NRG4: variants seen among roughly 807,000 people sequenced by gnomAD.
The protein encoded by NRG4 is pro-neuregulin-4, membrane-bound isoform.
A neutral mutation model predicts 15.0 loss-of-function variants in NRG4; 10 were observed. That is an observed-to-expected ratio of 0.67 (90% CI 0.41 to 1.13). The LOEUF (loss-of-function observed/expected upper bound fraction) is 1.13, where lower values mean the gene tolerates loss of function less well. Ranked by LOEUF, NRG4 falls within the 50% of genes most tolerant of loss-of-function variation. NRG4 has a pLI of 0.00. For missense variants in NRG4, 139 were observed against 140.2 expected (o/e 0.99, Z 0.04); for synonymous variants, 41 against 50.1 (o/e 0.82, Z 0.77).
chr15:75,940,193 C>A (rs2030796709), downstream of NRG4: 1 of 150,570 alleles, frequency 6.6e-6, no homozygotes, highest in Non-Finnish European at 1.5e-5. Context: ...TTCCTATACA[C>A]TAACAATGAA....
At position 75,974,437 on chromosome 15, in the gene NRG4, G is replaced by A. The variant is rs142023310; in HGVS notation, c.105-12463C>T. 1.2e-3 allele frequency among the ~76,000 whole-genome samples: 184 copies of A among 151,968 alleles called. 1 individual carries two copies. The highest frequency in any genetic ancestry group is 4.2e-3 in the African/African-American group (176 of 41,466). ...TGAATGTGTTTGTTCTTGCTTCCTC[G>A]TTCTTTTCATTGTGATGTTAGGGTG... is the stretch of plus-strand genomic sequence containing the variant. On this transcript the variant is annotated intron_variant, in intron 3 of 5. Transcript: ENST00000394907.
intron 3 of NRG4, among the ~76,000 whole-genome samples, chr15:75,982,175 C>T (rs74867626): frequency 0.018 from 2,664 of 152,060 alleles, 90 homozygotes; most frequent in African/African-American, 0.061. Context: ...ATTGTCGATC[C>T]CAAAACCTAA....
chr15:75,994,965 G>A (rs1273057355), intron 3 of NRG4, among the ~76,000 whole-genome samples: 1 of 152,108 alleles, frequency 6.6e-6, no homozygotes, highest in Non-Finnish European at 1.5e-5. Context: ...CTTGAGCCCA[G>A]TCTTGACAAC....
At chr15:75,958,070 T>C (rs1053469880) in intron 4 of NRG4, among the ~76,000 whole-genome samples, 2 of 152,160 alleles carry the variant, frequency 1.3e-5, no homozygotes, top group Non-Finnish European at 2.9e-5. Context: ...TGGAGTGCAG[T>C]GGTGCGATCT....
At chr15:75,952,382 A>C (rs2031956313) in intron 5 of NRG4, among the ~76,000 whole-genome samples, 1 of 152,164 alleles carries the variant, frequency 6.6e-6, no homozygotes, top group Non-Finnish European at 1.5e-5. Flanking sequence ...TTGTTTTCAA[A>C]GTCCATCCAT....
At chr15:75,998,832 A>G (rs2034303003) in intron 3 of NRG4, among the ~76,000 whole-genome samples, 1 of 152,212 alleles carries the variant, frequency 6.6e-6, no homozygotes, top group African/African-American at 2.4e-5. Flanking sequence ...ATCCTGGATA[A>G]GAAGATTCAG....
rs917470740 is a variant in NRG4 at position 76,051,565 on chromosome 15, C to CTT, written c.-105+500_-105+501dup. Among the ~76,000 whole-genome samples the CTT allele has an allele frequency of 4.3e-4, 58 of 133,484 alleles. 4 individuals carry two copies. The highest frequency in any genetic ancestry group is 1.5e-3 in the African/African-American group (53 of 35,270). The allele number at this position is 133,484 out of a possible 152,430, so 87.6% of individuals were successfully genotyped here. A position where few individuals can be genotyped will look rare whatever the true frequency, so the allele number is the denominator to read the frequency against. The stretch of plus-strand genomic sequence containing the variant: ...AGTTAACATATAATTGAACAATCTT[C>CTT]TTTTTTTTTTTTTTTTGAGACAGAG... On this transcript the variant is annotated intron_variant, in intron 4 of 8. Transcript: ENST00000563910.
At chr15:75,964,643 A>G (rs1206640899) in intron 3 of NRG4, among the ~76,000 whole-genome samples, 1 of 152,192 alleles carries the variant, frequency 6.6e-6, no homozygotes, top group African/African-American at 2.4e-5. Flanking sequence ...ATTGAAATTC[A>G]GGCCGGGCAC....
intron 3 of NRG4, among the ~76,000 whole-genome samples, chr15:75,991,635 T>TA (rs1305569822): frequency 1.3e-5 from 2 of 152,026 alleles, no homozygotes; most frequent in Admixed American, 1.3e-4. Context: ...TGAATTTTTT[T>TA]TTTTTTTGGT....
At chr15:75,937,823 C>CCTAA (rs2030528656), downstream of NRG4, 2 of 152,236 alleles carry the variant, frequency 1.3e-5, no homozygotes, top group East Asian at 3.9e-4. Context: ...GTTTGTTTTG[C>CCTAA]CTAACTGGTA....
rs768347789 is a variant in NRG4, at chr15:75,941,151, A to G, written c.*2487T>C. 8 of 152,204 alleles carry G rather than the reference A, an allele frequency of 5.3e-5. No individual in the cohort carries two copies. The highest frequency in any genetic ancestry group is 6.5e-5 in the Admixed American group (1 of 15,288). The allele number at this position is 152,204 out of a possible 1,614,324, so 9.4% of individuals were successfully genotyped here. The stretch of plus-strand genomic sequence containing the variant: ...ATTTGGATAGATCTCCAGAGAGGAC[A>G]TGCAGATAGCCAGTGAGCACAGGAA... On this transcript the variant is annotated 3_prime_UTR_variant, in exon 6 of 6. Transcript: ENST00000394907.
At chr15:76,032,074 T>G (rs1039496615) in intron 5 of NRG4, among the ~76,000 whole-genome samples, 2 of 152,172 alleles carry the variant, frequency 1.3e-5, no homozygotes, top group African/African-American at 4.8e-5. Context: ...TAATAATACA[T>G]TCTTAAAAAT....
At chr15:76,034,499 A>C (rs8031263) in intron 5 of NRG4, among the ~76,000 whole-genome samples, 5,636 of 152,230 alleles carry the variant, frequency 0.037, 182 homozygotes, top group African/African-American at 0.085. Context: ...AGGGGCTCCA[A>C]AGCTTTTGCA....
intron 4 of NRG4, among the ~76,000 whole-genome samples, chr15:76,040,368 A>C (rs1404792754): frequency 2.0e-5 from 3 of 152,222 alleles, no homozygotes; most frequent in Non-Finnish European, 4.4e-5. Flanking sequence ...ATTCTCCCAG[A>C]CAAGCAAAAG....
chr15:75,991,633 T>C (rs1367331701), intron 3 of NRG4, among the ~76,000 whole-genome samples: 1 of 152,048 alleles, frequency 6.6e-6, no homozygotes, highest in Non-Finnish European at 1.5e-5. Context: ...AGTGAATTTT[T>C]TTTTTTTTTG....
chr15:75,981,891 G>T lies in NRG4; in HGVS notation c.105-19917C>A, dbSNP rs535721009. 4.0e-5 allele frequency among the ~76,000 whole-genome samples: 6 copies of T among 151,898 alleles called. No homozygotes were observed. The South Asian group carries it at 1.2e-3, about 32-fold the overall frequency. ...TACCAATAAATTTGAAAACCTGGAT[G>T]AATTGGAAAATTTTGCTTAAAAATA... On this transcript the variant is annotated intron_variant, in intron 3 of 5. Coordinates refer to ENST00000394907, the MANE Select transcript of NRG4 (RefSeq NM_138573.4).
At chr15:75,949,984 A>C (rs2031778891) in intron 5 of NRG4, among the ~76,000 whole-genome samples, 1 of 152,134 alleles carries the variant, frequency 6.6e-6, no homozygotes, top group African/African-American at 2.4e-5. Context: ...GAATTTTAGA[A>C]CCACCTTGTC....
At chr15:76,039,504 G>A (rs1172174605) in intron 4 of NRG4, among the ~76,000 whole-genome samples, 1 of 152,140 alleles carries the variant, frequency 6.6e-6, no homozygotes, top group African/African-American at 2.4e-5. Flanking sequence ...ACTGTTAATA[G>A]TAGAATTGAT....
At chr15:76,057,023 G>C (rs1190508115) in intron 1 of NRG4, 2 of 152,156 alleles carry the variant, frequency 1.3e-5, no homozygotes, top group African/African-American at 4.8e-5. Context: ...GTTATGTCTG[G>C]CAAGGAAGTG....
Sources: allele counts gnomAD v4.1 joint callset (sites outside exome capture counted in the v4.1 genomes callset), GRCh38; gene constraint gnomAD v4.1.1; transcripts MANE v1.5; gene names NCBI Gene and HGNC (gene_info 2026-07-23, HGNC 2026-07-21).